The following LOC128706665 variants were observed in gnomAD, a reference collection of about 807,000 sequenced individuals.
chr20:10,433,401 G>C, the LOC128706665 span, among the ~76,000 whole-genome samples: 3,600 of 152,326 alleles, frequency 0.024, 68 homozygotes, highest in Non-Finnish European at 0.041. Context: ...AGAACATGGA[G>C]TCAGGACCGT....
the LOC128706665 span, among the ~76,000 whole-genome samples, chr20:10,422,501 G>A: frequency 2.0e-5 from 3 of 152,076 alleles, no homozygotes; most frequent in Non-Finnish European, 4.4e-5. Context: ...AGAGTAAGGA[G>A]GGAAGAATTC....
At chr20:10,428,433 T>C in the LOC128706665 span, among the ~76,000 whole-genome samples, 1,446 of 152,336 alleles carry the variant, frequency 9.5e-3, 29 homozygotes, top group African/African-American at 0.033. Flanking sequence ...ATTTTAATTG[T>C]ATGCTCCACC....
chr20:10,431,930 C>G, the LOC128706665 span: 1 of 130,272 alleles, frequency 7.7e-6, no homozygotes, highest in Non-Finnish European at 1.7e-5. Context: ...CCCTCTCCCT[C>G]CCCATTATTC....
the LOC128706665 span, among the ~76,000 whole-genome samples, chr20:10,416,875 G>A: frequency 1.3e-5 from 2 of 152,158 alleles, no homozygotes; most frequent in Non-Finnish European, 2.9e-5. Flanking sequence ...ATTAATTTGT[G>A]TACTGTGTAT....
the LOC128706665 span, chr20:10,420,493 C>T: frequency 6.6e-6 from 1 of 152,208 alleles, no homozygotes; most frequent in Non-Finnish European, 1.5e-5. Context: ...TGGAATGTGC[C>T]ATATGATTAA....
chr20:10,431,704 G>A, the LOC128706665 span: 1 of 152,100 alleles, frequency 6.6e-6, no homozygotes, highest in Non-Finnish European at 1.5e-5. Context: ...GTTACGGCAG[G>A]GAGTCAAGAT....
chr20:10,413,869 T>A, the LOC128706665 span: 1 of 434,034 alleles, frequency 2.3e-6, no homozygotes. Context: ...TTCTTTCTAA[T>A]CCAACTGGTA....
the LOC128706665 span, among the ~76,000 whole-genome samples, chr20:10,423,750 T>C: frequency 5.3e-5 from 8 of 152,330 alleles, 1 homozygote; most frequent in African/African-American, 1.7e-4. Context: ...CTCTTTCCAT[T>C]AGGATAACTT....
chr20:10,420,469 G>C, the LOC128706665 span: 1 of 152,198 alleles, frequency 6.6e-6, no homozygotes. Context: ...CTAAAAGATT[G>C]AGTTTCCCAT....
the LOC128706665 span, among the ~76,000 whole-genome samples, chr20:10,425,857 T>C: frequency 2.0e-5 from 3 of 152,216 alleles, no homozygotes; most frequent in African/African-American, 7.2e-5. Flanking sequence ...CTTTCTTTCC[T>C]GAATCTTCTT....
chr20:10,429,333 C>T, the LOC128706665 span, among the ~76,000 whole-genome samples: 2 of 152,152 alleles, frequency 1.3e-5, no homozygotes, highest in Non-Finnish European at 2.9e-5. Context: ...TGCTGGTTTC[C>T]ATCCACCTAT....
chr20:10,430,733 G>A, the LOC128706665 span, among the ~76,000 whole-genome samples: 2 of 152,222 alleles, frequency 1.3e-5, no homozygotes, highest in Non-Finnish European at 2.9e-5. Flanking sequence ...TAAAGTGAGA[G>A]CCAGGAAAGC....
the LOC128706665 span, among the ~76,000 whole-genome samples, chr20:10,432,146 A>T: frequency 6.6e-6 from 1 of 152,202 alleles, no homozygotes; most frequent in East Asian, 1.9e-4. Context: ...CTAACGACAG[A>T]TCAATCAAGG....
At chr20:10,419,754 G>T in the LOC128706665 span, among the ~76,000 whole-genome samples, 1 of 152,138 alleles carries the variant, frequency 6.6e-6, no homozygotes, top group African/African-American at 2.4e-5. Flanking sequence ...GACAGACAAG[G>T]GAATGACTCA....
chr20:10,416,803 G>C, the LOC128706665 span, among the ~76,000 whole-genome samples: 1 of 152,126 alleles, frequency 6.6e-6, no homozygotes, highest in Non-Finnish European at 1.5e-5. Flanking sequence ...TAAGCCTATG[G>C]ACCATATCCA....
chr20:10,415,360 T>G, the LOC128706665 span, among the ~76,000 whole-genome samples: 2 of 152,174 alleles, frequency 1.3e-5, no homozygotes, highest in Non-Finnish European at 2.9e-5. Flanking sequence ...AAACCTTGAT[T>G]TGAAGATGTG....
the LOC128706665 span, among the ~76,000 whole-genome samples, chr20:10,418,292 C>T: frequency 6.6e-6 from 1 of 152,128 alleles, no homozygotes; most frequent in Non-Finnish European, 1.5e-5. Context: ...TGGCGAAATG[C>T]CCTTAACTAT....
the LOC128706665 span, among the ~76,000 whole-genome samples, chr20:10,418,071 T>C: frequency 2.0e-5 from 3 of 152,204 alleles, no homozygotes; most frequent in South Asian, 6.2e-4. Flanking sequence ...GGGTATCAAA[T>C]TGTAGGTAAA....
At chr20:10,418,623 C>T in the LOC128706665 span, among the ~76,000 whole-genome samples, 1 of 152,128 alleles carries the variant, frequency 6.6e-6, no homozygotes, top group Non-Finnish European at 1.5e-5. Context: ...AAATCTCTTA[C>T]TACATTCACC....
Sources: allele counts gnomAD v4.1 joint callset (sites outside exome capture counted in the v4.1 genomes callset), GRCh38; gene constraint gnomAD v4.1.1; transcripts MANE v1.5.